Variants in CHP1 observed in about 807,000 individuals in gnomAD.
CHP1 encodes the protein calcineurin B homologous protein 1.
In CHP1, 11 loss-of-function variants were observed where a neutral mutation model predicts 27.4. That is an observed-to-expected ratio of 0.40 (90% CI 0.25 to 0.67). The LOEUF (loss-of-function observed/expected upper bound fraction) is 0.67, where lower values mean the gene tolerates loss of function less well. Among genes scored for constraint, CHP1 ranks in the 30% least tolerant of loss-of-function variants. The probability of loss-of-function intolerance (pLI) is 0.38; values close to 1 mark genes in which losing one functional copy is unlikely to be tolerated. For synonymous variants in CHP1, 89 were observed against 87.4 expected (o/e 1.02, Z -0.10); for missense variants, 169 against 251.3 (o/e 0.67, Z 2.22).
At chr15:41,246,596 G>A (rs1299608395) in intron 2 of CHP1, among the ~76,000 whole-genome samples, 2 of 147,400 alleles carry the variant, frequency 1.4e-5, no homozygotes, top group Middle Eastern at 3.6e-3. Flanking sequence ...GGGATTAAAG[G>A]TGCGAGCCAC....
At chr15:41,250,942 C>T (rs1458677158) in intron 2 of CHP1, among the ~76,000 whole-genome samples, 1 of 151,716 alleles carries the variant, frequency 6.6e-6, no homozygotes, top group African/African-American at 2.4e-5. Flanking sequence ...TCAAGTGATT[C>T]TCCTGCCTCA....
chr15:41,268,101 T>C (rs903175923), intron 4 of CHP1, among the ~76,000 whole-genome samples: 5 of 152,120 alleles, frequency 3.3e-5, no homozygotes, highest in Admixed American at 6.6e-5. Context: ...TTAGAACTTA[T>C]GATCTAATAA....
intron 2 of CHP1, among the ~76,000 whole-genome samples, chr15:41,244,175 G>T (rs1044563071): frequency 1.4e-5 from 2 of 143,394 alleles, no homozygotes; most frequent in Non-Finnish European, 3.0e-5. Flanking sequence ...TCCAGCCTCG[G>T]CAACAGAGCA....
rs188763436 is a variant in CHP1 at position 41,252,261 on chromosome 15, C to T, written c.141-4649C>T. Among the ~76,000 whole-genome samples the T allele has an allele frequency of 1.1e-3, 169 of 151,954 alleles. 2 individuals are homozygous for T. Among genetic ancestry groups the T allele is most frequent in the African/African-American group, 3.7e-3 (155 of 41,452 alleles). ...CTTGGCTGACTGCAACCTCCGCCTC[C>T]CGGGTTCAAGCAGTTCTCTGCCTCA... On this transcript the variant is annotated intron_variant, in intron 2 of 6. Coordinates refer to ENST00000334660, the MANE Select transcript of CHP1 (RefSeq NM_007236.5).
chr15:41,263,393 G>C (rs979973783), intron 4 of CHP1, among the ~76,000 whole-genome samples: 7 of 152,124 alleles, frequency 4.6e-5, no homozygotes, highest in Non-Finnish European at 7.3e-5. Flanking sequence ...GGGGACAGCT[G>C]GATACAGTGC....
chr15:41,276,615 T>C (rs958612621), intron 5 of CHP1, among the ~76,000 whole-genome samples: 4 of 152,216 alleles, frequency 2.6e-5, no homozygotes, highest in Non-Finnish European at 5.9e-5. Flanking sequence ...TTAAATTCTC[T>C]TACTCAATTC....
At chr15:41,249,031 T>C (rs944978828) in intron 2 of CHP1, among the ~76,000 whole-genome samples, 1 of 152,160 alleles carries the variant, frequency 6.6e-6, no homozygotes, top group African/African-American at 2.4e-5. Context: ...CTGGGAACTC[T>C]TCTCTAGTAG....
intron 2 of CHP1, among the ~76,000 whole-genome samples, chr15:41,248,724 A>T (rs545102897): frequency 6.6e-6 from 1 of 152,132 alleles, no homozygotes. Context: ...GACCAGCCTG[A>T]GCAACATAGT....
At chr15:41,269,134 T>C (rs980705229) in intron 4 of CHP1, among the ~76,000 whole-genome samples, 5 of 151,136 alleles carry the variant, frequency 3.3e-5, no homozygotes, top group African/African-American at 1.2e-4. Context: ...GCCTGGGAGG[T>C]TGAGGCTGTA....
intron 3 of CHP1, among the ~76,000 whole-genome samples, chr15:41,261,955 G>A (rs1354125817): frequency 1.4e-5 from 2 of 148,114 alleles, no homozygotes; most frequent in Non-Finnish European, 3.0e-5. Context: ...TCGCGCCATT[G>A]CATTCCAGCC....
intron 1 of CHP1, among the ~76,000 whole-genome samples, chr15:41,237,464 A>C (rs1468247151): frequency 6.6e-6 from 1 of 152,090 alleles, no homozygotes; most frequent in Admixed American, 6.6e-5. Flanking sequence ...TTCACTTCCT[A>C]TTCAAATTTC....
At chr15:41,257,816 T>A (rs148515171) in intron 3 of CHP1, among the ~76,000 whole-genome samples, 34 of 152,338 alleles carry the variant, frequency 2.2e-4, no homozygotes, top group African/African-American at 7.7e-4. Context: ...TGCCTCAGCC[T>A]CCCAAAGTAC....
At chr15:41,262,474 A>G (rs2047438468) in intron 3 of CHP1, among the ~76,000 whole-genome samples, 1 of 152,124 alleles carries the variant, frequency 6.6e-6, no homozygotes, top group East Asian at 1.9e-4. Flanking sequence ...TGGAAAACAG[A>G]TGCAAGTAAA....
intron 2 of CHP1, among the ~76,000 whole-genome samples, chr15:41,253,418 A>G (rs1418639087): frequency 2.7e-5 from 4 of 147,360 alleles, no homozygotes; most frequent in Admixed American, 2.1e-4. Context: ...TTAACAGTTG[A>G]CAAAGTATTT....
Position 41,279,326 on chromosome 15 carries a change from T to C in CHP1, c.535-10T>C. 1 of 1,612,188 alleles carries C rather than the reference T, an allele frequency of 6.2e-7. No homozygotes were observed. The highest frequency in any genetic ancestry group is 8.5e-7 in the Non-Finnish European group (1 of 1,178,264). On this transcript the variant is annotated splice_polypyrimidine_tract_variant and intron_variant, in intron 6 of 6. Coordinates refer to ENST00000334660, the MANE Select transcript of CHP1 (RefSeq NM_007236.5). ...TAACCTTTGTAACTGTTACTGGTTTTCTCCCCCAGGTTTTGGAGAAGGTGG... is the reference window on the plus strand; with the variant it reads ...TAACCTTTGTAACTGTTACTGGTTTCCTCCCCCAGGTTTTGGAGAAGGTGG...
intron 4 of CHP1, among the ~76,000 whole-genome samples, chr15:41,266,438 G>A (rs2047461206): frequency 6.6e-6 from 1 of 151,882 alleles, no homozygotes; most frequent in African/African-American, 2.4e-5. Flanking sequence ...AGGTCTACAG[G>A]TTTTCCTTCC....
intron 3 of CHP1, among the ~76,000 whole-genome samples, chr15:41,257,871 A>G (rs534448126): frequency 6.6e-6 from 1 of 152,246 alleles, no homozygotes; most frequent in Non-Finnish European, 1.5e-5. Flanking sequence ...ACATTTTTTC[A>G]TAATAAGTCC....
intron 2 of CHP1, among the ~76,000 whole-genome samples, chr15:41,254,979 G>T (rs1178021491): frequency 6.6e-6 from 1 of 152,074 alleles, no homozygotes; most frequent in Non-Finnish European, 1.5e-5. Flanking sequence ...AACAATACAA[G>T]ATAACTTTTA....
At chr15:41,253,685 A>T (rs1283241553) in intron 2 of CHP1, among the ~76,000 whole-genome samples, 1 of 151,068 alleles carries the variant, frequency 6.6e-6, no homozygotes, top group Admixed American at 6.6e-5. Context: ...TCATCTCTTG[A>T]CCTCATGATC....
Sources: allele counts gnomAD v4.1 joint callset (sites outside exome capture counted in the v4.1 genomes callset), GRCh38; gene constraint gnomAD v4.1.1; transcripts MANE v1.5; gene names NCBI Gene and HGNC (gene_info 2026-07-23, HGNC 2026-07-21).